The following NRXN3 variants were observed in gnomAD, a reference collection of about 807,000 sequenced individuals.
NRXN3 encodes the protein neurexin III.
Under a neutral mutation model 137.6 loss-of-function variants are expected in NRXN3, and 32 were observed. The ratio of observed to expected loss-of-function variants is 0.23; its 90% confidence interval spans 0.18 to 0.31. The LOEUF is 0.31. NRXN3 is among the 10% of genes least tolerant of loss of function. The probability of loss-of-function intolerance (pLI) is 1.00; values close to 1 mark genes in which losing one functional copy is unlikely to be tolerated. For synonymous variants in NRXN3, 798 were observed against 784.5 expected (o/e 1.02, Z -0.29); for missense variants, 1,574 against 2,062.5 (o/e 0.76, Z 4.59).
chr14:79,469,985 A>C (rs1274768144), intron 16 of NRXN3, among the ~76,000 whole-genome samples: 1 of 152,210 alleles, frequency 6.6e-6, no homozygotes, highest in East Asian at 1.9e-4. Context: ...CAGGGAAACA[A>C]AGCCATAAAT....
chr14:78,329,287 A>G lies in NRXN3; in HGVS notation c.757+31427A>G, dbSNP rs1363597699. On this transcript the variant is annotated intron_variant, in intron 4 of 20. Coordinates refer to ENST00000335750, the MANE Select transcript of NRXN3 (RefSeq NM_001330195.2). ...GTTTGAAAGTGTCAATGGGTCCACAATTTTGAGGTTGAATCATTCTGCAAC... is the reference window on the plus strand; with the variant it reads ...GTTTGAAAGTGTCAATGGGTCCACAGTTTTGAGGTTGAATCATTCTGCAAC... Among the ~76,000 whole-genome samples, 5 of 152,240 alleles carry G rather than the reference A, an allele frequency of 3.3e-5. No individual in the cohort carries two copies. In the South Asian group the frequency reaches 1.0e-3, roughly 32 times the overall value.
Position 78,645,376 on chromosome 14 carries a change from C to G in NRXN3, c.1014C>G (p.Asn338Lys). 6.3e-7 allele frequency: 1 copy of G among 1,597,374 alleles called. No individual in the cohort carries two copies. The highest frequency in any genetic ancestry group is 8.5e-7 in the Non-Finnish European group (1 of 1,178,636). ...AIVEPVNGKF[N>K]DNAWHDVKVT... The stretch of plus-strand genomic sequence containing the variant: ...TGGAGCCAGTGAATGGAAAATTCAA[C>G]GACAACGCCTGGCATGATGTCAAAG... The change falls in exon 5 of 21, where the codon AAC becomes AAG. Residue 338 changes from asparagine (N) to lysine (K), a missense_variant. Asn to Lys is a moderately conservative substitution (Grantham distance 94, BLOSUM62 0). This residue lies in a region of NRXN3 where 400 missense variants were observed against 527.3 expected (regional missense o/e 0.76). Transcript: ENST00000335750.
At chr14:78,184,743 G>A (rs1441382230) in intron 1 of NRXN3, among the ~76,000 whole-genome samples, 1 of 152,226 alleles carries the variant, frequency 6.6e-6, no homozygotes, top group Non-Finnish European at 1.5e-5. Context: ...GGAGTGGCTA[G>A]ATGACTTGTC....
intron 16 of NRXN3, among the ~76,000 whole-genome samples, chr14:79,650,264 G>A (rs771883307): frequency 1.7e-4 from 26 of 152,080 alleles, no homozygotes; most frequent in Non-Finnish European, 3.1e-4. Flanking sequence ...TCTTTCTCTG[G>A]TTACTTGGGC....
At chr14:78,581,566 C>T (rs564373973) in intron 4 of NRXN3, among the ~76,000 whole-genome samples, 60 of 152,298 alleles carry the variant, frequency 3.9e-4, no homozygotes, top group African/African-American at 1.0e-3. Flanking sequence ...GGATTTTAGG[C>T]GACAATCAGA....
At chr14:78,957,905 G>C (rs1192096010) in intron 11 of NRXN3, among the ~76,000 whole-genome samples, 1 of 152,178 alleles carries the variant, frequency 6.6e-6, no homozygotes, top group Non-Finnish European at 1.5e-5. Context: ...ACAAGGCACT[G>C]ATAATACAGT....
chr14:79,206,938 A>C (rs895575089), intron 15 of NRXN3, among the ~76,000 whole-genome samples: 24 of 152,134 alleles, frequency 1.6e-4, no homozygotes, highest in Non-Finnish European at 2.9e-4. Flanking sequence ...GAAAAGAAAA[A>C]AAACAAAAAC....
chr14:79,842,554 A>C (rs530783052), intron 20 of NRXN3, among the ~76,000 whole-genome samples: 1 of 152,120 alleles, frequency 6.6e-6, no homozygotes, highest in East Asian at 1.9e-4. Flanking sequence ...ATTTGGGGAA[A>C]CCTTTGGGGA....
intron 15 of NRXN3, among the ~76,000 whole-genome samples, chr14:79,111,014 T>A (rs2053415505): frequency 6.6e-6 from 1 of 152,050 alleles, no homozygotes; most frequent in Non-Finnish European, 1.5e-5. Context: ...ATGGTCTTGA[T>A]CTCCTGACCT....
intron 15 of NRXN3, among the ~76,000 whole-genome samples, chr14:79,075,430 T>A (rs1327282076): frequency 1.3e-5 from 2 of 152,202 alleles, no homozygotes; most frequent in African/African-American, 4.8e-5. Flanking sequence ...AAATATTAGT[T>A]AGGAAAATGA....
At chr14:79,086,472 T>G (rs2048125714) in intron 15 of NRXN3, among the ~76,000 whole-genome samples, 1 of 152,142 alleles carries the variant, frequency 6.6e-6, no homozygotes, top group South Asian at 2.1e-4. Context: ...GCTGAGGGGA[T>G]AGCATAGAGT....
At chr14:79,800,160 A>G (rs949224241) in intron 19 of NRXN3, among the ~76,000 whole-genome samples, 2 of 152,228 alleles carry the variant, frequency 1.3e-5, no homozygotes, top group Non-Finnish European at 2.9e-5. Context: ...ATTGAAAGTT[A>G]TGAGAGCTTT....
chr14:79,368,932 C>G (rs1174518803), intron 15 of NRXN3, among the ~76,000 whole-genome samples: 1 of 152,172 alleles, frequency 6.6e-6, no homozygotes, highest in Non-Finnish European at 1.5e-5. Context: ...CTGAAATCAG[C>G]CAAATTCTCT....
At chr14:79,749,030 A>G (rs2098988565) in intron 19 of NRXN3, among the ~76,000 whole-genome samples, 2 of 152,026 alleles carry the variant, frequency 1.3e-5, no homozygotes, top group South Asian at 2.1e-4. Context: ...GAGAAGGAAA[A>G]TTTTTTATAG....
chr14:78,441,056 C>T (rs1363148131), intron 4 of NRXN3, among the ~76,000 whole-genome samples: 1 of 152,146 alleles, frequency 6.6e-6, no homozygotes, highest in East Asian at 1.9e-4. Context: ...GGCTGCACCT[C>T]TCTGTGAATT....
intron 15 of NRXN3, among the ~76,000 whole-genome samples, chr14:79,415,612 T>C (rs1052336790): frequency 6.6e-6 from 1 of 152,102 alleles, no homozygotes; most frequent in African/African-American, 2.4e-5. Context: ...ATAAAGTTAT[T>C]TTCTTAATGC....
intron 15 of NRXN3, among the ~76,000 whole-genome samples, chr14:79,405,081 G>T (rs2095284168): frequency 6.6e-6 from 1 of 152,110 alleles, no homozygotes; most frequent in South Asian, 2.1e-4. Flanking sequence ...GGTTGCCATG[G>T]CAACAAAAGG....
chr14:79,838,658 G>C (rs559405913), intron 20 of NRXN3, among the ~76,000 whole-genome samples: 146 of 152,266 alleles, frequency 9.6e-4, no homozygotes, highest in Non-Finnish European at 1.7e-3. Context: ...TGGCACTTCT[G>C]TTTTCAAAGC....
At chr14:79,210,879 A>G (rs1048703383) in intron 15 of NRXN3, among the ~76,000 whole-genome samples, 1 of 152,164 alleles carries the variant, frequency 6.6e-6, no homozygotes, top group African/African-American at 2.4e-5. Context: ...TAATCCCTAT[A>G]AAGCTTAGAG....
Sources: gnomAD v4.1 joint callset for allele counts (sites outside exome capture counted in the v4.1 genomes callset) on GRCh38, gnomAD v4.1.1 for gene constraint, gnomAD v4.1.1 regional missense constraint, MANE v1.5 for transcripts, NCBI Gene and HGNC (gene_info 2026-07-23, HGNC 2026-07-21) for gene names.